ATRNL1: variants seen among roughly 807,000 people sequenced by gnomAD.
ATRNL1 encodes the protein attractin like 1, also known as attractin-like protein 1.
Under a neutral mutation model 182.7 loss-of-function variants are expected in ATRNL1, and 95 were observed. The ratio of observed to expected loss-of-function variants is 0.52; its 90% CI spans 0.44 to 0.62. ATRNL1 has a LOEUF of 0.62. Ranked by LOEUF, ATRNL1 falls within the 20% of genes least tolerant of loss-of-function variation. The pLI, the probability that ATRNL1 is intolerant of heterozygous loss-of-function variation, is 0.00. For synonymous variants in ATRNL1, 576 were observed against 568.3 expected (o/e 1.01, Z -0.19); for missense variants, 1,471 against 1,679.5 (o/e 0.88, Z 2.17).
chr10:115,391,260 A>G (rs1332714259), intron 19 of ATRNL1, among the ~76,000 whole-genome samples: 1 of 152,156 alleles, frequency 6.6e-6, no homozygotes, highest in African/African-American at 2.4e-5. Flanking sequence ...AAAAAGCTAA[A>G]CTTTTTACCT....
chr10:115,692,240 G>T (rs1190885223), intron 26 of ATRNL1, among the ~76,000 whole-genome samples: 1 of 152,138 alleles, frequency 6.6e-6, no homozygotes, highest in Non-Finnish European at 1.5e-5. Flanking sequence ...AATGTGTGAA[G>T]CTAATAGGTG....
intron 27 of ATRNL1, among the ~76,000 whole-genome samples, chr10:115,749,390 G>T (rs575474006): frequency 3.6e-4 from 54 of 151,434 alleles, no homozygotes; most frequent in African/African-American, 1.3e-3. Flanking sequence ...ACATTTCCTG[G>T]GCTGCTTTTG....
chr10:115,239,527 G>T (rs896915005), intron 9 of ATRNL1, among the ~76,000 whole-genome samples: 3 of 152,002 alleles, frequency 2.0e-5, no homozygotes, highest in Non-Finnish European at 4.4e-5. Flanking sequence ...CACCGCGCCC[G>T]GCCGGGGCTG....
chr10:115,453,800 G>A (rs1357832045), intron 21 of ATRNL1, among the ~76,000 whole-genome samples: 11 of 147,778 alleles, frequency 7.4e-5, no homozygotes, highest in African/African-American at 2.8e-4. Flanking sequence ...ACTGTTGTGG[G>A]GTTGGGGGAG....
At chr10:115,733,456 T>C (rs2134077678) in intron 27 of ATRNL1, among the ~76,000 whole-genome samples, 1 of 152,334 alleles carries the variant, frequency 6.6e-6, no homozygotes, top group Middle Eastern at 3.4e-3. Flanking sequence ...TGACATCACA[T>C]TGAAGTTCAT....
chr10:115,441,833 C>T (rs1846696233), intron 21 of ATRNL1, among the ~76,000 whole-genome samples: 1 of 151,906 alleles, frequency 6.6e-6, no homozygotes, highest in Non-Finnish European at 1.5e-5. Flanking sequence ...ATTCCTGATT[C>T]CAAAGACTTC....
intron 27 of ATRNL1, among the ~76,000 whole-genome samples, chr10:115,730,857 C>G (rs1947776640): frequency 6.6e-6 from 1 of 151,934 alleles, no homozygotes; most frequent in Non-Finnish European, 1.5e-5. Flanking sequence ...TTACAAGGTC[C>G]CACAATAGGC....
At chr10:115,584,268 C>T (rs9663760) in intron 26 of ATRNL1, among the ~76,000 whole-genome samples, 129,729 of 133,622 alleles carry the variant, frequency 0.97, 63,142 homozygotes, top group East Asian at 1. Flanking sequence ...GGCCTCATAA[C>T]GAGTTAGGGA....
intron 9 of ATRNL1, among the ~76,000 whole-genome samples, chr10:115,220,100 T>A (rs868926271): frequency 6.6e-6 from 1 of 152,176 alleles, no homozygotes; most frequent in South Asian, 2.1e-4. Context: ...TTTCATCAAT[T>A]CCTCTAGTTA....
chr10:115,788,656 T>C (rs1293547838), intron 27 of ATRNL1, among the ~76,000 whole-genome samples: 3 of 152,124 alleles, frequency 2.0e-5, no homozygotes, highest in Non-Finnish European at 4.4e-5. Flanking sequence ...AGAATGAAAA[T>C]TGTCCCCACC....
At chr10:115,935,408 C>G (rs1953526342) in intron 28 of ATRNL1, among the ~76,000 whole-genome samples, 1 of 152,266 alleles carries the variant, frequency 6.6e-6, no homozygotes, top group Middle Eastern at 3.4e-3. Flanking sequence ...TTACTATCAG[C>G]AATTACTCAA....
intron 24 of ATRNL1, among the ~76,000 whole-genome samples, chr10:115,489,725 G>A (rs1444685135): frequency 6.6e-6 from 1 of 152,134 alleles, no homozygotes; most frequent in African/African-American, 2.4e-5. Flanking sequence ...CCCATTTACA[G>A]TTAAGGTTAA....
chr10:115,732,940 A>G (rs1947843277), intron 27 of ATRNL1, among the ~76,000 whole-genome samples: 1 of 152,204 alleles, frequency 6.6e-6, no homozygotes, highest in Admixed American at 6.5e-5. Flanking sequence ...TTAGTATATC[A>G]GAGAATTCCA....
chr10:115,112,181 T>C (rs553801770), intron 1 of ATRNL1, among the ~76,000 whole-genome samples: 80 of 152,330 alleles, frequency 5.3e-4, no homozygotes, highest in Middle Eastern at 3.4e-3. Flanking sequence ...AAAGATACTT[T>C]GTGTATTCAT....
chr10:115,385,077 T>C (rs2134244559), intron 19 of ATRNL1, among the ~76,000 whole-genome samples: 1 of 152,208 alleles, frequency 6.6e-6, no homozygotes. Flanking sequence ...TTGCTTTTTG[T>C]GCTATCATAA....
rs114359235 is a variant in ATRNL1, at chr10:115,228,255, G to A, written c.1532+12375G>A. The stretch of plus-strand genomic sequence containing the variant: ...CTATCCCACTCCTTCAGGAGTAGTT[G>A]CATCTGGTTTCGTTACATTTAATAA... On this transcript the variant is annotated intron_variant, in intron 9 of 28. Coordinates refer to ENST00000355044, the MANE Select transcript of ATRNL1 (RefSeq NM_207303.4). Among the ~76,000 whole-genome samples the A allele has an allele frequency of 6.9e-3, 1,057 of 152,250 alleles. 10 individuals carry two copies. The highest frequency in any genetic ancestry group is 0.024 in the African/African-American group (1,017 of 41,552).
intron 26 of ATRNL1, among the ~76,000 whole-genome samples, chr10:115,674,999 C>T (rs1345638850): frequency 6.6e-6 from 1 of 152,084 alleles, no homozygotes; most frequent in African/African-American, 2.4e-5. Flanking sequence ...TTTCTTTTAA[C>T]TCTGTCTCCA....
At chr10:115,120,618 A>G (rs1443547277) in intron 2 of ATRNL1, among the ~76,000 whole-genome samples, 1 of 152,082 alleles carries the variant, frequency 6.6e-6, no homozygotes, top group Non-Finnish European at 1.5e-5. Context: ...TTAGCATTTT[A>G]GTTCAAAGGG....
intron 25 of ATRNL1, among the ~76,000 whole-genome samples, chr10:115,537,010 A>C (rs1293656008): frequency 6.6e-6 from 1 of 152,240 alleles, no homozygotes; most frequent in Non-Finnish European, 1.5e-5. Flanking sequence ...ATGGTAATGG[A>C]AATGACACCT....
Sources: allele counts gnomAD v4.1 joint callset (sites outside exome capture counted in the v4.1 genomes callset), GRCh38; gene constraint gnomAD v4.1.1; transcripts MANE v1.5; gene names NCBI Gene and HGNC (gene_info 2026-07-23, HGNC 2026-07-21).